The following DENND1B variants were observed in gnomAD, a reference collection of about 807,000 sequenced individuals.
The protein encoded by DENND1B is DENN domain-containing protein 1B.
DENND1B carries 59 observed loss-of-function variants against 90.1 expected under a neutral mutation model. The ratio of observed to expected loss-of-function variants is 0.65; its 90% CI spans 0.53 to 0.81. DENND1B has a LOEUF of 0.81. Ranked by LOEUF, DENND1B falls within the 40% of genes least tolerant of loss-of-function variation. The pLI is 0.00. For missense variants in DENND1B, 862 were observed against 912.6 expected (o/e 0.94, Z 0.71); for synonymous variants, 337 against 324.6 (o/e 1.04, Z -0.41).
At chr1:197,748,142 C>T (rs1053103781) in intron 2 of DENND1B, among the ~76,000 whole-genome samples, 1 of 151,812 alleles carries the variant, frequency 6.6e-6, no homozygotes, top group Non-Finnish European at 1.5e-5. Context: ...GATTGCCCAA[C>T]AAAACAAAAT....
chr1:197,773,913 T>C (rs768060047), intron 1 of DENND1B, among the ~76,000 whole-genome samples: 1 of 152,220 alleles, frequency 6.6e-6, no homozygotes, highest in Non-Finnish European at 1.5e-5. Context: ...ATTTAATATG[T>C]ACTTCCTTCA....
chr1:197,734,277 T>G (rs1411681714), intron 2 of DENND1B: 3 of 929,364 alleles, frequency 3.2e-6, no homozygotes, highest in Non-Finnish European at 3.9e-6. Flanking sequence ...TTTTTTAACC[T>G]GTAAAAAGTT....
chr1:197,714,387 A>G (rs73077619), intron 3 of DENND1B, among the ~76,000 whole-genome samples: 3,594 of 152,250 alleles, frequency 0.024, 143 homozygotes, highest in African/African-American at 0.081. Context: ...TAAAGTTTAA[A>G]TGATTTTTCT....
chr1:197,690,878 C>CA (rs11320665), intron 3 of DENND1B, among the ~76,000 whole-genome samples: 41 of 150,948 alleles, frequency 2.7e-4, no homozygotes, highest in Middle Eastern at 3.4e-3. Flanking sequence ...ATAACCTGAC[C>CA]AAAAAAAAAT....
intron 15 of DENND1B, among the ~76,000 whole-genome samples, chr1:197,558,658 G>T (rs748449171): frequency 3.5e-4 from 53 of 151,748 alleles, no homozygotes; most frequent in Non-Finnish European, 6.8e-4. Context: ...TTTCAACCTT[G>T]CTTATGACAT....
intron 15 of DENND1B, among the ~76,000 whole-genome samples, chr1:197,553,788 T>C (rs561783700): frequency 1.6e-3 from 249 of 152,234 alleles, no homozygotes; most frequent in African/African-American, 6.0e-3. Context: ...ATTATGATTA[T>C]TAAGTTAAAT....
chr1:197,729,549 G>T (rs2102310536), intron 2 of DENND1B, among the ~76,000 whole-genome samples: 1 of 152,144 alleles, frequency 6.6e-6, no homozygotes, highest in African/African-American at 2.4e-5. Context: ...AAGATAACAA[G>T]CAAATGAGCA....
intron 2 of DENND1B, among the ~76,000 whole-genome samples, chr1:197,762,399 T>C (rs925751613): frequency 3.3e-5 from 5 of 152,150 alleles, no homozygotes; most frequent in Non-Finnish European, 7.4e-5. Flanking sequence ...CCTGAGTAGC[T>C]GAGACTACAG....
At chr1:197,734,416 A>C (rs1275600932) in intron 2 of DENND1B, 5 of 985,058 alleles carry the variant, frequency 5.1e-6, no homozygotes, top group Non-Finnish European at 6.0e-6. Flanking sequence ...AGTTTATGAA[A>C]TATTTTGTAA....
intron 3 of DENND1B, among the ~76,000 whole-genome samples, chr1:197,697,084 CAAAA>C (rs778684569): frequency 3.8e-5 from 3 of 78,786 alleles, no homozygotes; most frequent in Admixed American, 1.4e-4. Context: ...AGAAATTCCA[CAAAA>C]AAAAAAAAAA....
At chr1:197,742,953 T>G (rs571097919) in intron 2 of DENND1B, among the ~76,000 whole-genome samples, 1 of 152,218 alleles carries the variant, frequency 6.6e-6, no homozygotes, top group Admixed American at 6.5e-5. Context: ...CATGGACATG[T>G]GAGGAATTCA....
At chr1:197,620,950 G>A (rs1678102275) in intron 10 of DENND1B, among the ~76,000 whole-genome samples, 1 of 151,288 alleles carries the variant, frequency 6.6e-6, no homozygotes, top group African/African-American at 2.4e-5. Context: ...CTCTAACGTG[G>A]TGACATATGA....
chr1:197,577,784 A>G (rs1673816572), intron 15 of DENND1B, among the ~76,000 whole-genome samples: 1 of 152,124 alleles, frequency 6.6e-6, no homozygotes, highest in South Asian at 2.1e-4. Flanking sequence ...TACAAATGGA[A>G]CCCACTATCA....
rs1670842073 is a variant in DENND1B, at chr1:197,546,743, T to A, written c.1271A>T (p.His424Leu). Residue 424 changes from histidine to leucine, a missense_variant, in exon 17 of 23, where the codon CAT becomes CTT. By Grantham distance (99) the His-to-Leu change is moderately conservative (BLOSUM62 -3). Transcript: ENST00000620048. Reference protein sequence around the residue: ...GNPRSYQQWVHTVKKGGALFN... With the variant: ...GNPRSYQQWVLTVKKGGALFN... ...AAAGCTTATGATTACCTTGACTGTA[T>A]GCACCCATTGTTGATATGACCTCGG... The A allele has an allele frequency of 1.3e-6, 2 of 1,546,658 alleles. No individual in the cohort carries two copies. The highest frequency in any genetic ancestry group is 1.7e-6 in the Non-Finnish European group (2 of 1,145,874).
In DENND1B at chr1:197,506,048, C is replaced by T. The variant is rs914324832; in HGVS notation, c.*4412G>A. ...TAAACAAAAACATTTCTCCTGGCAA[C>T]AATATAAAGAATATATTTTTTTCTG... On this transcript the variant is annotated 3_prime_UTR_variant, in exon 23 of 23. Transcript: ENST00000620048. 1 of 151,484 alleles carries T rather than the reference C, an allele frequency of 6.6e-6. No individual in the cohort carries two copies. The highest frequency in any genetic ancestry group is 1.5e-5 in the Non-Finnish European group (1 of 67,654). 9.4% of individuals were successfully genotyped at this position (151,484 alleles called of 1,614,324 possible). A position where few individuals can be genotyped will look rare whatever the true frequency, so the allele number is the denominator to read the frequency against.
chr1:197,577,329 A>G (rs2016722), intron 15 of DENND1B, among the ~76,000 whole-genome samples: 120,682 of 152,002 alleles, frequency 0.79, 48,059 homozygotes, highest in East Asian at 0.87. Context: ...AATGTTTTGG[A>G]AAAATGCAGA....
chr1:197,565,204 A>T (rs940640280), intron 15 of DENND1B, among the ~76,000 whole-genome samples: 11 of 152,038 alleles, frequency 7.2e-5, no homozygotes, highest in Admixed American at 2.0e-4. Context: ...ATCTGTAACA[A>T]TTTTTTATGT....
chr1:197,539,833 C>T, intron 20 of DENND1B, 131 bp downstream of exon 20: 2 of 697,152 alleles, frequency 2.9e-6, no homozygotes, highest in East Asian at 2.9e-5. Context: ...CCACTAACTC[C>T]TCCCCTTGAC....
chr1:197,636,665 A>G (rs562157123), intron 10 of DENND1B, among the ~76,000 whole-genome samples: 12 of 152,326 alleles, frequency 7.9e-5, no homozygotes, highest in Admixed American at 5.9e-4. Flanking sequence ...CATGCCCTAT[A>G]TTATATATTG....
Sources: gnomAD v4.1 joint callset for allele counts (sites outside exome capture counted in the v4.1 genomes callset) on GRCh38, gnomAD v4.1.1 for gene constraint, MANE v1.5 for transcripts, NCBI Gene and HGNC (gene_info 2026-07-23, HGNC 2026-07-21) for gene names.